SKP2: variants seen among roughly 807,000 people sequenced by gnomAD.
The protein encoded by SKP2 is S-phase kinase-associated protein 2.
A neutral mutation model predicts 51.8 loss-of-function variants in SKP2; 16 were observed. The ratio of observed to expected loss-of-function variants is 0.31; its 90% CI spans 0.21 to 0.47. The LOEUF is 0.47. Ranked by LOEUF, SKP2 falls within the 20% of genes least tolerant of loss-of-function variation. SKP2 has a pLI of 1.00. For synonymous variants in SKP2, 176 were observed against 198.6 expected (o/e 0.89, Z 0.96); for missense variants, 377 against 505.3 (o/e 0.75, Z 2.43).
At position 36,159,396 on chromosome 5, in the gene SKP2, C is replaced by G. The variant is rs573764131; in HGVS notation, c.281-4249C>G. On this transcript the variant is annotated intron_variant, in intron 2 of 9. Transcript: ENST00000274255. ...AAGTTTGTTAATTTATTTCTCCTGC[C>G]CTGTACTTCATAGCAAGCTTTTCTA... 1.6e-4 allele frequency among the ~76,000 whole-genome samples: 24 copies of G among 152,228 alleles called. No individual in the cohort carries two copies. The South Asian group carries it at 4.8e-3, about 30-fold the overall frequency.
In SKP2 at chr5:36,166,574, G is replaced by A. The variant is rs749808504; in HGVS notation, c.448G>A (p.Asp150Asn). Residue 150 changes from aspartate to asparagine, a missense_variant, in exon 4 of 10, where the codon GAT (aspartate) becomes AAT (asparagine). Coordinates refer to ENST00000274255, the MANE Select transcript of SKP2 (RefSeq NM_005983.4). Reference sequence around the variant, plus strand: ...CCTCACAGGTAAAAATCTGCACCCGGATGTGACTGGTCGGTTGCTGTCTCA... The same window carrying A: ...CCTCACAGGTAAAAATCTGCACCCGAATGTGACTGGTCGGTTGCTGTCTCA... ...LDLTGKNLHP[D>N]VTGRLLSQGV... 11 of 1,613,784 alleles carry A rather than the reference G, an allele frequency of 6.8e-6. No homozygotes were observed. In the South Asian group the frequency reaches 1.1e-4, roughly 16 times the overall value.
downstream of SKP2, among the ~76,000 whole-genome samples, chr5:36,187,394 C>A (rs1406054686): frequency 1.3e-5 from 2 of 152,212 alleles, no homozygotes; most frequent in African/African-American, 2.4e-5. Context: ...TTTCCCTCTA[C>A]ACACTGCTTT....
intron 1 of SKP2, among the ~76,000 whole-genome samples, 196 bp from the exon 2 acceptor site, chr5:36,152,575 G>A (rs138428145): frequency 6.6e-6 from 1 of 152,284 alleles, no homozygotes; most frequent in African/African-American, 2.4e-5. Context: ...AGGATCGTAA[G>A]TCAAAAAGCC....
Position 36,171,609 on chromosome 5 carries a change from T to A in SKP2, c.777T>A (p.Asp259Glu). The stretch of plus-strand genomic sequence containing the variant: ...TTACCCCTCTTTTGTGCAGACTGGA[T>A]GAGCTGAACCTCTCCTGGTGTTTTG... ...QTLLSSCSRL[D>E]ELNLSWCFDF... The change falls in exon 7 of 10, where the codon GAT (aspartate) becomes GAA (glutamate). Residue 259 changes from aspartate to glutamate, a missense_variant. Asp to Glu is a conservative substitution (Grantham distance 45). Transcript: ENST00000274255. 1 of 1,613,760 alleles carries A rather than the reference T, an allele frequency of 6.2e-7. No homozygotes were observed. Among genetic ancestry groups the A allele is most frequent in the South Asian group, 1.1e-5 (1 of 91,046 alleles).
At chr5:36,157,875 A>C (rs1041192248) in intron 2 of SKP2, among the ~76,000 whole-genome samples, 1 of 152,240 alleles carries the variant, frequency 6.6e-6, no homozygotes, top group Non-Finnish European at 1.5e-5. Flanking sequence ...TGAGAAATAA[A>C]TATGTCAAGT....
In SKP2 at chr5:36,183,496, T is replaced by G; in HGVS notation, c.*1465T>G. The G allele has an allele frequency of 3.9e-6, 2 of 509,278 alleles. No individual in the cohort carries two copies. Among genetic ancestry groups the G allele is most frequent in the Non-Finnish European group, 5.1e-6 (2 of 394,244 alleles). The allele number at this position is 509,278 out of a possible 1,614,324, so 31.5% of individuals were successfully genotyped here. A position where few individuals can be genotyped will look rare whatever the true frequency, so the allele number is the denominator to read the frequency against. On this transcript the variant is annotated 3_prime_UTR_variant, in exon 10 of 10. Coordinates refer to ENST00000274255, the MANE Select transcript of SKP2 (RefSeq NM_005983.4). ...GTTAGCCAGGATGGTCTCAATCTCC[T>G]GACCTCATGATCCGCCCGTCTTGGC...
chr5:36,166,696 C>T, intron 4 of SKP2, 34 bp downstream of exon 4: 1 of 1,465,390 alleles, frequency 6.8e-7, no homozygotes. Flanking sequence ...AAGACTATTT[C>T]TAAATTTCGA....
At chr5:36,152,313 C>T in intron 1 of SKP2, 43 bp downstream of exon 1, 1 of 1,581,600 alleles carries the variant, frequency 6.3e-7, no homozygotes, top group Non-Finnish European at 8.7e-7. Flanking sequence ...AATGGACCCT[C>T]TTAATAATTC....
In SKP2 at chr5:36,181,757, ACT is replaced by A. The variant is rs373225898; in HGVS notation, c.1062-58_1062-57del. 51 of 1,586,918 alleles carry A rather than the reference ACT, an allele frequency of 3.2e-5. No homozygotes were observed. In the African/African-American group the frequency reaches 5.8e-4, roughly 18 times the overall value. On this transcript the variant is annotated intron_variant, in intron 9 of 9. Coordinates refer to ENST00000274255, the MANE Select transcript of SKP2 (RefSeq NM_005983.4). ...CAAATTGTAAAATTTGGGTCATATA[ACT>A]CTAGTCAAACAGTTTCCATAGATAC... is the stretch of plus-strand genomic sequence containing the variant.
intron 3 of SKP2, 125 bp downstream of exon 3, chr5:36,163,881 C>G: frequency 1.6e-6 from 1 of 634,714 alleles, no homozygotes; most frequent in Non-Finnish European, 2.8e-6. Context: ...AACTAGGTAT[C>G]TTCATATTTT....
At chr5:36,185,276 T>A (rs1242259644), downstream of SKP2, among the ~76,000 whole-genome samples, 1 of 152,244 alleles carries the variant, frequency 6.6e-6, no homozygotes, top group African/African-American at 2.4e-5. Context: ...AGATCCCATT[T>A]GTCAATTTTA....
intron 9 of SKP2, among the ~76,000 whole-genome samples, chr5:36,178,530 C>CA (rs888034277): frequency 3.9e-5 from 6 of 152,068 alleles, no homozygotes; most frequent in Non-Finnish European, 8.8e-5. Flanking sequence ...TCCCAGCTCT[C>CA]AAATGTTGGG....
chr5:36,174,754 C>G (rs1204849914), intron 7 of SKP2, among the ~76,000 whole-genome samples: 3 of 152,104 alleles, frequency 2.0e-5, no homozygotes, highest in Non-Finnish European at 4.4e-5. Flanking sequence ...GACAGGGCCT[C>G]TCTGAGGAGA....
intron 6 of SKP2, 30 bp downstream of exon 6, chr5:36,170,472 C>T (rs763171202): frequency 1.6e-6 from 2 of 1,289,768 alleles, no homozygotes; most frequent in South Asian, 2.5e-5. Context: ...TGATTATAGA[C>T]TCTTATGTCA....
intron 6 of SKP2, among the ~76,000 whole-genome samples, chr5:36,191,415 G>C (rs1191689267): frequency 6.7e-6 from 1 of 149,754 alleles, no homozygotes; most frequent in African/African-American, 2.5e-5. Context: ...TTTTTAGCCA[G>C]GAGACACTTG....
At chr5:36,158,733 C>T in intron 2 of SKP2, among the ~76,000 whole-genome samples, 1 of 152,198 alleles carries the variant, frequency 6.6e-6, no homozygotes, top group Non-Finnish European at 1.5e-5. Flanking sequence ...ATGGAAAGGG[C>T]ATGATTTGAA....
chr5:36,167,181 A>G (rs1320531381), intron 4 of SKP2, among the ~76,000 whole-genome samples: 2 of 152,172 alleles, frequency 1.3e-5, no homozygotes, highest in African/African-American at 4.8e-5. Context: ...ATTTTGCAAT[A>G]CTGAGGTTAC....
rs113631265 is a variant in SKP2 at position 36,183,272 on chromosome 5, T to C, written c.*1241T>C. 31,570 of 372,702 alleles carry C rather than the reference T, an allele frequency of 0.085. 69 individuals are homozygous for C. Among genetic ancestry groups the C allele is most frequent in the Non-Finnish European group, 0.1 (29,793 of 288,974 alleles). 23.1% of individuals were successfully genotyped at this position (372,702 alleles called of 1,614,324 possible). A position where few individuals can be genotyped will look rare whatever the true frequency, so the allele number is the denominator to read the frequency against. ...AAGATTAAATTCTACTTCTATTTTT[T>C]TTTTTTTTTTTTGAGACGGAGTCTC... On this transcript the variant is annotated 3_prime_UTR_variant, in exon 10 of 10. Transcript: ENST00000274255.
intron 2 of SKP2, among the ~76,000 whole-genome samples, chr5:36,158,501 T>A (rs958089610): frequency 2.0e-5 from 3 of 152,186 alleles, no homozygotes; most frequent in African/African-American, 7.2e-5. Context: ...GAGCACTGGG[T>A]ACTTGGCTGC....
Sources: gnomAD v4.1 joint callset for allele counts (sites outside exome capture counted in the v4.1 genomes callset) on GRCh38, gnomAD v4.1.1 for gene constraint, MANE v1.5 for transcripts, NCBI Gene and HGNC (gene_info 2026-07-23, HGNC 2026-07-21) for gene names.